The following BCL11A variants were observed in gnomAD, a reference collection of about 807,000 sequenced individuals.
The protein encoded by BCL11A is B cell CLL/lymphoma 11A.
A neutral mutation model predicts 55.9 loss-of-function variants in BCL11A; 2 were observed. The ratio of observed to expected loss-of-function variants is 0.04; its 90% CI spans 0.01 to 0.11. The LOEUF (loss-of-function observed/expected upper bound fraction) is 0.11. Among genes scored for constraint, BCL11A ranks in the 10% least tolerant of loss-of-function variants. The pLI is 1.00. For missense variants in BCL11A, 817 were observed against 1,137.1 expected (o/e 0.72, Z 4.05); for synonymous variants, 465 against 473.4 (o/e 0.98, Z 0.23).
chr2:60,539,968 C>T (rs1207533241), intron 2 of BCL11A, among the ~76,000 whole-genome samples: 1 of 152,138 alleles, frequency 6.6e-6, no homozygotes, highest in Non-Finnish European at 1.5e-5. Flanking sequence ...AGGGAGACAA[C>T]AGTCAATTTC....
intron 2 of BCL11A, among the ~76,000 whole-genome samples, chr2:60,529,620 C>G (rs72964428): frequency 0.038 from 5,827 of 151,742 alleles, 370 homozygotes; most frequent in African/African-American, 0.13. Context: ...CGGGCGGGAG[C>G]GGGGGCAGGT....
rs370974858 is a variant in BCL11A, at chr2:60,501,332, A to G, written c.386-32499T>C. On this transcript the variant is annotated intron_variant, in intron 2 of 3. Coordinates refer to ENST00000642384, the MANE Select transcript of BCL11A (RefSeq NM_022893.4). ...TCCAGTGGCTCTGTCTTTAATATCT[A>G]TAAGAGCACAGGTAAGTGTCACAGG... 1.6e-4 allele frequency among the ~76,000 whole-genome samples: 24 copies of G among 152,250 alleles called. No individual in the cohort carries two copies. In the East Asian group the frequency reaches 3.9e-3, roughly 24 times the overall value.
chr2:60,467,414 C>G (rs536467199), intron 3 of BCL11A, among the ~76,000 whole-genome samples: 117 of 4,976 alleles, frequency 0.024, no homozygotes, highest in African/African-American at 0.14. Flanking sequence ...GGTGATGGTA[C>G]TGGTGATGGT....
intron 2 of BCL11A, among the ~76,000 whole-genome samples, chr2:60,492,392 A>C (rs1678687293): frequency 7.0e-6 from 1 of 142,368 alleles, no homozygotes; most frequent in African/African-American, 2.6e-5. Flanking sequence ...AACAAACAAA[A>C]GACAACTAAT....
chr2:60,465,570 A>T (rs1476473924), intron 3 of BCL11A, among the ~76,000 whole-genome samples: 2 of 152,216 alleles, frequency 1.3e-5, no homozygotes, highest in Non-Finnish European at 2.9e-5. Flanking sequence ...TGAAAAAGTC[A>T]TGTGATCTAA....
rs543697945 is a variant in BCL11A at position 60,521,279 on chromosome 2, G to A, written c.385+24692C>T. On this transcript the variant is annotated intron_variant, in intron 2 of 3. Coordinates refer to ENST00000642384, the MANE Select transcript of BCL11A (RefSeq NM_022893.4). ...ATGGCAGCTAAAAGCGCCACTCTCA[G>A]ATAACTGAGTGACACTTGCTAATAA... Among the ~76,000 whole-genome samples, 7 of 152,358 alleles carry A rather than the reference G, an allele frequency of 4.6e-5. No homozygotes were observed. The East Asian group carries it at 1.4e-3, about 29-fold the overall frequency.
chr2:60,475,346 C>T (rs763056834), intron 2 of BCL11A, among the ~76,000 whole-genome samples: 4 of 152,146 alleles, frequency 2.6e-5, no homozygotes, highest in African/African-American at 7.2e-5. Flanking sequence ...GTTCTGTTTT[C>T]CCCCCACCTC....
chr2:60,523,551 A>ATATGTATG (rs1669083100), intron 2 of BCL11A, among the ~76,000 whole-genome samples: 2 of 152,130 alleles, frequency 1.3e-5, no homozygotes, highest in Non-Finnish European at 2.9e-5. Context: ...ATACATGCAT[A>ATATGTATG]TACGTATGTA....
intron 1 of BCL11A, among the ~76,000 whole-genome samples, chr2:60,547,131 G>C (rs1670192620): frequency 1.3e-5 from 2 of 152,026 alleles, no homozygotes; most frequent in Admixed American, 6.6e-5. Context: ...GAAATGGAAT[G>C]CCTATAATAT....
chr2:60,545,371 C>G (rs1670099755), intron 2 of BCL11A: 1 of 153,846 alleles, frequency 6.5e-6, no homozygotes, highest in African/African-American at 2.4e-5. Context: ...ATGGTGTCAT[C>G]CCACCACGGG....
intron 2 of BCL11A, among the ~76,000 whole-genome samples, chr2:60,480,013 C>A (rs1395951366): frequency 6.6e-6 from 1 of 152,198 alleles, no homozygotes; most frequent in Admixed American, 6.5e-5. Flanking sequence ...TCATACTTTG[C>A]ATTTATGGCC....
At chr2:60,451,821 C>G (rs1023958426) in exon 5 of BCL11A, 4 of 229,532 alleles carry the variant, frequency 1.7e-5, no homozygotes, top group Non-Finnish European at 3.5e-5. Context: ...CAGGATTCGG[C>G]GTGCCATATT....
At chr2:60,514,724 T>C (rs1185232651) in intron 2 of BCL11A, among the ~76,000 whole-genome samples, 1 of 151,360 alleles carries the variant, frequency 6.6e-6, no homozygotes, top group Non-Finnish European at 1.5e-5. Context: ...AAATCAGAGT[T>C]GTGCAAATAA....
downstream of BCL11A, among the ~76,000 whole-genome samples, chr2:60,456,736 G>T (rs578194969): frequency 6.6e-5 from 10 of 152,176 alleles, no homozygotes; most frequent in African/African-American, 2.4e-4. Context: ...CTCTTACATG[G>T]AAACCAAAGA....
rs1676289692 is a variant in BCL11A, at chr2:60,461,544, C to T, written c.1368G>A (p.Val456=). The change falls in exon 4 of 4, where the codon GTG becomes GTA. Residue 456 remains valine, a synonymous_variant. Coordinates refer to ENST00000642384, the MANE Select transcript of BCL11A (RefSeq NM_022893.4). ...ACTTGAGCGCGCTGCTGGCGCTGCC[C>T]ACCAAGTCGCTGGTGCCGGGTTCCG... is the stretch of plus-strand genomic sequence containing the variant. ...SSPEPGTSDL[V]GSASSALKSV... is the part of the protein sequence containing the mutation. 1 of 1,610,218 alleles carries T rather than the reference C, an allele frequency of 6.2e-7. No individual in the cohort carries two copies. Among genetic ancestry groups the T allele is most frequent in the Non-Finnish European group, 8.5e-7 (1 of 1,180,006 alleles).
intron 2 of BCL11A, among the ~76,000 whole-genome samples, chr2:60,495,330 G>A (rs140819321): frequency 1.8e-3 from 277 of 152,190 alleles, no homozygotes; most frequent in African/African-American, 6.1e-3. Flanking sequence ...GGTGTGTTAT[G>A]TCTAAGAGTA....
Position 60,461,552 on chromosome 2 carries a change from C to G in BCL11A, c.1360G>C (p.Asp454His), listed in dbSNP as rs754152321. 6.2e-7 allele frequency: 1 copy of G among 1,611,060 alleles called. No individual in the cohort carries two copies. Reference sequence around the variant, plus strand: ...GCGCTGCTGGCGCTGCCCACCAAGTCGCTGGTGCCGGGTTCCGGGGAGCTG... The same window carrying G: ...GCGCTGCTGGCGCTGCCCACCAAGTGGCTGGTGCCGGGTTCCGGGGAGCTG... ...TASSPEPGTS[D>H]LVGSASSALK... The change falls in exon 4 of 4, where the codon GAC (aspartate) becomes CAC (histidine). Residue 454 changes from aspartate to histidine, a missense_variant. Physicochemically the swap from Asp to His is moderately conservative, Grantham distance 81 (BLOSUM62 -1). Around this residue, in one of 4 missense-constraint regions of BCL11A, gnomAD observed 379 missense variants for 425.3 expected, o/e 0.89. Transcript: ENST00000642384.
intron 2 of BCL11A, among the ~76,000 whole-genome samples, chr2:60,474,890 G>C (rs545222638): frequency 3.3e-5 from 5 of 152,324 alleles, no homozygotes; most frequent in Non-Finnish European, 5.9e-5. Context: ...GGCCTGCACA[G>C]AAATTGCTCT....
chr2:60,550,563 G>A (rs1397682659), intron 1 of BCL11A, among the ~76,000 whole-genome samples: 5 of 151,892 alleles, frequency 3.3e-5, no homozygotes, highest in Admixed American at 6.5e-5. Context: ...AGAGGCGGGG[G>A]GCGGGGGGGT....
Sources: allele counts gnomAD v4.1 joint callset (sites outside exome capture counted in the v4.1 genomes callset), GRCh38; gene constraint gnomAD v4.1.1; regional missense constraint gnomAD v4.1.1; transcripts MANE v1.5; gene names NCBI Gene and HGNC (gene_info 2026-07-23, HGNC 2026-07-21).